MOCS1: variants seen among roughly 807,000 people sequenced by gnomAD.
MOCS1 encodes molybdenum cofactor synthesis 1.
MOCS1 carries 39 observed loss-of-function variants against 57.6 expected under a neutral mutation model. The ratio of observed to expected loss-of-function variants is 0.68; its 90% CI spans 0.52 to 0.88. The LOEUF (loss-of-function observed/expected upper bound fraction) is 0.88. Among genes scored for constraint, MOCS1 ranks in the 40% least tolerant of loss-of-function variants. The pLI is 0.00. For synonymous variants in MOCS1, 334 were observed against 335.7 expected (o/e 1.00, Z 0.05); for missense variants, 795 against 831.1 (o/e 0.96, Z 0.53).
At chr6:39,932,071 C>T (rs1165665555) in intron 1 of MOCS1, among the ~76,000 whole-genome samples, 2 of 152,186 alleles carry the variant, frequency 1.3e-5, no homozygotes, top group East Asian at 1.9e-4. Context: ...ATCCTCACAG[C>T]CAGCTCCCAC....
At chr6:39,919,517 CA>C (rs55990349) in intron 3 of MOCS1, among the ~76,000 whole-genome samples, 78,487 of 146,660 alleles carry the variant, frequency 0.54, 20,569 homozygotes, top group Middle Eastern at 0.6. Flanking sequence ...AAAACAGCAA[CA>C]AAAAAAAAAA....
At chr6:39,925,879 G>A (rs1768265134) in intron 2 of MOCS1, 34 bp from the exon 3 acceptor site, 1 of 1,593,020 alleles carries the variant, frequency 6.3e-7, no homozygotes, top group Non-Finnish European at 8.6e-7. Flanking sequence ...GTGGAGGGAG[G>A]AAAGAGGCAC....
At chr6:39,933,529 G>C (rs1768749124) in intron 1 of MOCS1, among the ~76,000 whole-genome samples, 1 of 152,074 alleles carries the variant, frequency 6.6e-6, no homozygotes, top group South Asian at 2.1e-4. Flanking sequence ...CGCCTAGATA[G>C]GTACCGAAAA....
chr6:39,909,004 G>C (rs373762795), intron 10 of MOCS1, 51 bp downstream of exon 10: 1 of 1,552,764 alleles, frequency 6.4e-7, no homozygotes, highest in Non-Finnish European at 8.9e-7. Context: ...CCCACCCCAC[G>C]AGATCCCCAA....
rs958550150 is a variant in MOCS1, at chr6:39,905,826, A to G, written c.*531T>C. The G allele has an allele frequency of 4.3e-6, 2 of 470,364 alleles. No individual in the cohort carries two copies. The highest frequency in any genetic ancestry group is 2.0e-5 in the African/African-American group (1 of 49,514). 29.1% of individuals were successfully genotyped at this position (470,364 alleles called of 1,614,324 possible). A position where few individuals can be genotyped will look rare whatever the true frequency, so the allele number is the denominator to read the frequency against. On this transcript the variant is annotated 3_prime_UTR_variant, in exon 11 of 11. Coordinates refer to ENST00000340692, the MANE Select transcript of MOCS1 (RefSeq NM_001358530.2). ...GCAGAAGGAGAGATGAAGTCAGGAC[A>G]GGACAGGACAGGGCAGGGCTGCGGC... is the stretch of plus-strand genomic sequence containing the variant.
At position 39,916,104 on chromosome 6, in the gene MOCS1, C is replaced by T; in HGVS notation, c.547G>A (p.Val183Met). 6.2e-7 allele frequency: 1 copy of T among 1,613,138 alleles called. No homozygotes were observed. Among genetic ancestry groups the T allele is most frequent in the Non-Finnish European group, 8.5e-7 (1 of 1,179,706 alleles). ...SAINISLDTL[V>M]PAKFEFIVRR... ...ACAATGAACTCAAACTTGGCAGGCA[C>T]CAGGGTGTCCAGGCTGATGTTGATG... The change falls in exon 4 of 11, where the codon GTG becomes ATG. Residue 183 changes from valine to methionine, a missense_variant. By Grantham distance (21) the Val-to-Met change is conservative. Around this residue, in one of 3 missense-constraint regions of MOCS1, gnomAD observed 416 missense variants for 392.4 expected, o/e 1.06. Coordinates refer to ENST00000340692, the MANE Select transcript of MOCS1 (RefSeq NM_001358530.2).
rs1767215767 is a variant in MOCS1, at chr6:39,909,858, C to G, written c.1079G>C (p.Gly360Ala). The G allele has an allele frequency of 6.2e-7, 1 of 1,613,710 alleles. No individual in the cohort carries two copies. Among genetic ancestry groups the G allele is most frequent in the Non-Finnish European group, 8.5e-7 (1 of 1,180,020 alleles). The stretch of plus-strand genomic sequence containing the variant: ...ACCTGCATGCTGCCGCTTCTTCCTG[C>G]CCACAGCAGCCCCAATGATTCTCAG... ...ELLRIIGAAV[G>A]RKKRQHAGMF... Residue 360 changes from glycine (G) to alanine (A), a missense_variant, in exon 9 of 11, where the codon GGC (glycine) becomes GCC (alanine). By Grantham distance (60) the Gly-to-Ala change is moderately conservative (BLOSUM62 0). Coordinates refer to ENST00000340692, the MANE Select transcript of MOCS1 (RefSeq NM_001358530.2).
intron 3 of MOCS1, among the ~76,000 whole-genome samples, chr6:39,919,099 A>C (rs1425111582): frequency 6.6e-6 from 1 of 152,192 alleles, no homozygotes; most frequent in African/African-American, 2.4e-5. Context: ...GTTACGTTGT[A>C]TTCTTTCCCT....
rs114901836 is a variant in MOCS1, at chr6:39,913,651, G to C, written c.645+123C>G. ...CAGCAGGGAGAGAAGAGGTGGAAGG[G>C]TGCACGTACTTCAGCCATGCTGGCC... On this transcript the variant is annotated intron_variant, in intron 5 of 10. Transcript: ENST00000340692. The C allele has an allele frequency of 1.6e-3, 1,892 of 1,160,892 alleles. 1 individual carries two copies. Among genetic ancestry groups the C allele is most frequent in the Non-Finnish European group, 1.9e-3 (1,484 of 768,660 alleles). 71.9% of individuals were successfully genotyped at this position (1,160,892 alleles called of 1,614,324 possible). A position where few individuals can be genotyped will look rare whatever the true frequency, so the allele number is the denominator to read the frequency against.
chr6:39,906,519 A>G lies in MOCS1; in HGVS notation c.1749T>C (p.Ala583=). ...HAVKIQASCR[A]RGPTGVEMEA... The stretch of plus-strand genomic sequence containing the variant: ...CCATCTCCACCCCGGTGGGGCCCCG[A>G]GCCCGGCAAGATGCCTGGATCTTCA... Residue 583 remains alanine, a synonymous_variant, in exon 11 of 11, where the codon GCT becomes GCC. Coordinates refer to ENST00000340692, the MANE Select transcript of MOCS1 (RefSeq NM_001358530.2). 1 of 1,613,932 alleles carries G rather than the reference A, an allele frequency of 6.2e-7. No homozygotes were observed. Among genetic ancestry groups the G allele is most frequent in the Non-Finnish European group, 8.5e-7 (1 of 1,180,032 alleles).
At chr6:39,907,171 T>A in intron 10 of MOCS1, 54 bp from the exon 11 acceptor site, 2 of 1,540,720 alleles carry the variant, frequency 1.3e-6, no homozygotes, top group Non-Finnish European at 1.7e-6. Context: ...GCAATTCTTT[T>A]TCCCACCTCT....
chr6:39,927,911 C>T (rs1166315019), intron 1 of MOCS1, among the ~76,000 whole-genome samples: 5 of 152,116 alleles, frequency 3.3e-5, no homozygotes, highest in Non-Finnish European at 5.9e-5. Context: ...TTCCCATGTA[C>T]AAGTCTGATC....
Position 39,905,382 on chromosome 6 carries a change from G to T in MOCS1, c.*975C>A. 2.2e-6 allele frequency: 1 copy of T among 464,998 alleles called. No homozygotes were observed. The allele number at this position is 464,998 out of a possible 1,614,324, so 28.8% of individuals were successfully genotyped here. A position where few individuals can be genotyped will look rare whatever the true frequency, so the allele number is the denominator to read the frequency against. Reference sequence around the variant, plus strand: ...GGCTATACAGAGAGTACACCCTTAGGCCTTTCCAGGTCCCTCCTCTTCTTC... The same window carrying T: ...GGCTATACAGAGAGTACACCCTTAGTCCTTTCCAGGTCCCTCCTCTTCTTC... On this transcript the variant is annotated 3_prime_UTR_variant, in exon 11 of 11. Transcript: ENST00000340692.
At chr6:39,913,089 C>T (rs1233989586) in intron 6 of MOCS1, 85 bp from the exon 7 acceptor site, 1 of 1,080,234 alleles carries the variant, frequency 9.3e-7, no homozygotes, top group Non-Finnish European at 1.4e-6. Context: ...TCCCCTGCCA[C>T]AGCATAGCAA....
rs920641398 is a variant in MOCS1 at position 39,912,777 on chromosome 6, G to A, written c.870+115C>T. On this transcript the variant is annotated intron_variant, in intron 7 of 10. Coordinates refer to ENST00000340692, the MANE Select transcript of MOCS1 (RefSeq NM_001358530.2). ...AGCACTGATGCTTCCTGCTTAAATG[G>A]TACCATCCCACATCACAGCATCCCC... 15 of 849,942 alleles carry A rather than the reference G, an allele frequency of 1.8e-5. No individual in the cohort carries two copies. The African/African-American group carries it at 2.3e-4, about 13-fold the overall frequency. 52.7% of individuals were successfully genotyped at this position (849,942 alleles called of 1,614,324 possible).
chr6:39,905,599 T>TA lies in MOCS1; in HGVS notation c.*757dup, dbSNP rs772746534. 23 of 471,162 alleles carry TA rather than the reference T, an allele frequency of 4.9e-5. No homozygotes were observed. In the Middle Eastern group the frequency reaches 1.3e-3, roughly 27 times the overall value. 29.2% of individuals were successfully genotyped at this position (471,162 alleles called of 1,614,324 possible). A position where few individuals can be genotyped will look rare whatever the true frequency, so the allele number is the denominator to read the frequency against. On this transcript the variant is annotated 3_prime_UTR_variant, in exon 11 of 11. Transcript: ENST00000340692. ...CTATCATCAACTTTTCTTTCCCTGA[T>TA]ATGCTCCAGAATAAAGAGGGGTGGG...
intron 4 of MOCS1, 94 bp downstream of exon 4, chr6:39,915,974 G>T: frequency 7.2e-7 from 1 of 1,381,698 alleles, no homozygotes; most frequent in Non-Finnish European, 1.0e-6. Flanking sequence ...ACACCAAGAG[G>T]AAGTGACCAG....
chr6:39,911,705 G>A (rs1039444155), intron 8 of MOCS1, among the ~76,000 whole-genome samples: 4 of 151,544 alleles, frequency 2.6e-5, no homozygotes, highest in African/African-American at 7.3e-5. Context: ...TTCAAGGCTC[G>A]CTGAGGTCTG....
chr6:39,908,879 G>A (rs1022989588), intron 10 of MOCS1, among the ~76,000 whole-genome samples, 176 bp downstream of exon 10: 1 of 151,966 alleles, frequency 6.6e-6, no homozygotes, highest in Non-Finnish European at 1.5e-5. Context: ...ATGAACAGTG[G>A]GGGAAGAAAC....
Sources: gnomAD v4.1 joint callset for allele counts (sites outside exome capture counted in the v4.1 genomes callset) on GRCh38, gnomAD v4.1.1 for gene constraint, gnomAD v4.1.1 regional missense constraint, MANE v1.5 for transcripts, NCBI Gene and HGNC (gene_info 2026-07-23, HGNC 2026-07-21) for gene names.